The following GABBR2 variants were observed in gnomAD, a reference collection of about 807,000 sequenced individuals.
GABBR2 encodes the protein G-protein coupled receptor 51.
Under a neutral mutation model 105.6 loss-of-function variants are expected in GABBR2, and 23 were observed. The observed-to-expected ratio is 0.22, with a 90% confidence interval of 0.16 to 0.31. The LOEUF (loss-of-function observed/expected upper bound fraction) is 0.31. Ranked by LOEUF, GABBR2 falls within the 10% of genes least tolerant of loss-of-function variation. The probability of loss-of-function intolerance (pLI) is 1.00; values close to 1 mark genes in which losing one functional copy is unlikely to be tolerated. For synonymous variants in GABBR2, 478 were observed against 499.7 expected (o/e 0.96, Z 0.58); for missense variants, 734 against 1,245.5 (o/e 0.59, Z 6.18).
At chr9:98,371,304 C>T (rs1393422897) in intron 12 of GABBR2, among the ~76,000 whole-genome samples, 160 bp downstream of exon 12, 1 of 152,200 alleles carries the variant, frequency 6.6e-6, no homozygotes, top group African/African-American at 2.4e-5. Flanking sequence ...GCTTTGTTAA[C>T]TGTCCGATTT....
intron 1 of GABBR2, among the ~76,000 whole-genome samples, chr9:98,590,140 C>T (rs904158873): frequency 6.6e-6 from 1 of 152,192 alleles, no homozygotes; most frequent in Non-Finnish European, 1.5e-5. Context: ...CTGGCAGATA[C>T]AATCACTGCT....
intron 1 of GABBR2, among the ~76,000 whole-genome samples, chr9:98,586,177 G>A (rs1161035868): frequency 6.6e-6 from 1 of 152,052 alleles, no homozygotes; most frequent in Non-Finnish European, 1.5e-5. Flanking sequence ...CAGCATCACA[G>A]CTATGTTGAA....
At chr9:98,310,975 A>C in intron 14 of GABBR2, 120 bp downstream of exon 14, 2 of 630,204 alleles carry the variant, frequency 3.2e-6, no homozygotes, top group Non-Finnish European at 2.9e-6. Flanking sequence ...CTGAGTCCAC[A>C]GAGAGTAACT....
chr9:98,323,912 G>A (rs377347088), intron 13 of GABBR2, among the ~76,000 whole-genome samples: 4 of 152,298 alleles, frequency 2.6e-5, no homozygotes, highest in South Asian at 4.1e-4. Flanking sequence ...GTGGGATCCC[G>A]GACAGAGCTA....
chr9:98,636,901 A>C (rs2778919), intron 1 of GABBR2, among the ~76,000 whole-genome samples: 1,772 of 152,278 alleles, frequency 0.012, 16 homozygotes, highest in Non-Finnish European at 0.019. Flanking sequence ...CGAATTGCCC[A>C]TAAATGCAGA....
chr9:98,594,357 C>T (rs764882508), intron 1 of GABBR2, among the ~76,000 whole-genome samples: 1 of 152,208 alleles, frequency 6.6e-6, no homozygotes. Context: ...GGGGGTGACG[C>T]CTGGTGCTGC....
At chr9:98,623,167 G>A (rs1485044152) in intron 1 of GABBR2, among the ~76,000 whole-genome samples, 1 of 152,206 alleles carries the variant, frequency 6.6e-6, no homozygotes, top group Non-Finnish European at 1.5e-5. Flanking sequence ...GCTCATGCCT[G>A]TAATCCCAGC....
chr9:98,602,682 G>C (rs1829358527), intron 1 of GABBR2, among the ~76,000 whole-genome samples: 1 of 152,186 alleles, frequency 6.6e-6, no homozygotes, highest in African/African-American at 2.4e-5. Flanking sequence ...AAGCACTAGG[G>C]AACAATTTGA....
At chr9:98,691,636 C>T (rs180888040) in intron 1 of GABBR2, among the ~76,000 whole-genome samples, 155 of 152,312 alleles carry the variant, frequency 1.0e-3, no homozygotes, top group African/African-American at 3.7e-3. Flanking sequence ...TTTCCCAGGC[C>T]GTTCAGCTCT....
At chr9:98,344,348 C>A (rs1352090916) in intron 13 of GABBR2, among the ~76,000 whole-genome samples, 1 of 152,154 alleles carries the variant, frequency 6.6e-6, no homozygotes, top group African/African-American at 2.4e-5. Flanking sequence ...TCCAAGAATA[C>A]AAATCATATT....
At chr9:98,397,956 T>G (rs1408085409) in intron 8 of GABBR2, among the ~76,000 whole-genome samples, 1 of 152,180 alleles carries the variant, frequency 6.6e-6, no homozygotes, top group Admixed American at 6.5e-5. Context: ...GTGTCCCCTG[T>G]ATTCTTGCAT....
chr9:98,294,413 C>T (rs62574301), intron 17 of GABBR2, among the ~76,000 whole-genome samples: 32 of 152,000 alleles, frequency 2.1e-4, no homozygotes, highest in Non-Finnish European at 3.1e-4. Flanking sequence ...ATTTTTTACC[C>T]GGAATTTCCA....
intron 13 of GABBR2, among the ~76,000 whole-genome samples, chr9:98,349,370 TTTTTTTTTTC>T: frequency 1.0e-5 from 1 of 99,604 alleles, no homozygotes; most frequent in Non-Finnish European, 2.1e-5. Context: ...TTTTTTTTTT[TTTTTTTTTTC>T]GGGACAGAGT....
chr9:98,623,791 C>T (rs1829700284), intron 1 of GABBR2, among the ~76,000 whole-genome samples: 1 of 152,234 alleles, frequency 6.6e-6, no homozygotes, highest in Non-Finnish European at 1.5e-5. Flanking sequence ...CCAGGATAGT[C>T]TCCCATCTCT....
At chr9:98,430,080 A>T (rs1258955608) in intron 7 of GABBR2, among the ~76,000 whole-genome samples, 1 of 152,074 alleles carries the variant, frequency 6.6e-6, no homozygotes, top group East Asian at 1.9e-4. Flanking sequence ...AGGTCAGGAG[A>T]TCAACACCAT....
At chr9:98,633,429 C>T (rs1829838691) in intron 1 of GABBR2, among the ~76,000 whole-genome samples, 1 of 152,032 alleles carries the variant, frequency 6.6e-6, no homozygotes, top group African/African-American at 2.4e-5. Flanking sequence ...TCAAGAGCAG[C>T]CTGGCCAACG....
At chr9:98,409,903 C>T (rs1191400534) in intron 7 of GABBR2, among the ~76,000 whole-genome samples, 1 of 152,210 alleles carries the variant, frequency 6.6e-6, no homozygotes, top group East Asian at 1.9e-4. Flanking sequence ...ATCTTTGTCT[C>T]AGAGCCTGTT....
intron 12 of GABBR2, among the ~76,000 whole-genome samples, chr9:98,363,944 A>G (rs1002930646): frequency 2.6e-5 from 4 of 152,194 alleles, no homozygotes; most frequent in Non-Finnish European, 5.9e-5. Flanking sequence ...GAAGAGACTC[A>G]TGGAAAAACA....
chr9:98,434,979 T>C (rs1825875853), intron 7 of GABBR2, among the ~76,000 whole-genome samples: 1 of 152,188 alleles, frequency 6.6e-6, no homozygotes, highest in Non-Finnish European at 1.5e-5. Flanking sequence ...TAACCTCATG[T>C]GTAGACCTAG....
Sources: gnomAD v4.1 joint callset for allele counts (sites outside exome capture counted in the v4.1 genomes callset) on GRCh38, gnomAD v4.1.1 for gene constraint, MANE v1.5 for transcripts, NCBI Gene and HGNC (gene_info 2026-07-23, HGNC 2026-07-21) for gene names.